SEMA6D: variants seen among roughly 807,000 people sequenced by gnomAD.
The protein encoded by SEMA6D is semaphorin 6D.
In SEMA6D, 35 loss-of-function variants were observed where a neutral mutation model predicts 106.6. That is an observed-to-expected ratio of 0.33 (90% confidence interval 0.25 to 0.44). SEMA6D has a LOEUF of 0.44. SEMA6D is among the 20% of genes least tolerant of loss of function. The pLI, the probability that SEMA6D is intolerant of heterozygous loss-of-function variation, is 1.00. For missense variants in SEMA6D, 1,185 were observed against 1,345.9 expected, an observed-to-expected ratio of 0.88 and a Z score of 1.87; for synonymous variants, 499 against 487.7, an observed-to-expected ratio of 1.02 and a Z score of -0.31.
chr15:47,256,798 G>T (rs1289135413), intron 1 of SEMA6D, among the ~76,000 whole-genome samples: 2 of 152,086 alleles, frequency 1.3e-5, no homozygotes, highest in Non-Finnish European at 2.9e-5. Flanking sequence ...GGTGGAGGTT[G>T]CAGTGAGCTG....
chr15:47,322,160 A>C (rs2036947608), intron 1 of SEMA6D, among the ~76,000 whole-genome samples: 1 of 152,204 alleles, frequency 6.6e-6, no homozygotes, highest in African/African-American at 2.4e-5. Context: ...GGAAAGTTGC[A>C]AAAATAGTAC....
At chr15:47,713,580 G>A (rs775770901), upstream of SEMA6D, among the ~76,000 whole-genome samples, 7 of 152,154 alleles carry the variant, frequency 4.6e-5, no homozygotes, top group African/African-American at 9.7e-5. Context: ...TATAATGTGC[G>A]AACGCAAGGA....
chr15:47,484,883 A>G (rs1182699281), intron 3 of SEMA6D, among the ~76,000 whole-genome samples: 1 of 152,226 alleles, frequency 6.6e-6, no homozygotes, highest in African/African-American at 2.4e-5. Context: ...GGATTGGAGA[A>G]GAAAATGAAT....
At chr15:47,497,773 A>ATT (rs2043717248) in intron 3 of SEMA6D, among the ~76,000 whole-genome samples, 1 of 152,082 alleles carries the variant, frequency 6.6e-6, no homozygotes, top group Non-Finnish European at 1.5e-5. Flanking sequence ...TGTAAACTGT[A>ATT]GTACCATACT....
At chr15:47,627,516 A>G (rs2144400010) in intron 4 of SEMA6D, among the ~76,000 whole-genome samples, 1 of 152,290 alleles carries the variant, frequency 6.6e-6, no homozygotes, top group African/African-American at 2.4e-5. Context: ...TAATAATCAC[A>G]GAGATATGGT....
intron 3 of SEMA6D, among the ~76,000 whole-genome samples, chr15:47,501,360 A>G (rs2043842612): frequency 6.6e-6 from 1 of 152,200 alleles, no homozygotes; most frequent in Non-Finnish European, 1.5e-5. Flanking sequence ...AAGAAAATGA[A>G]ACAAATTATA....
intron 4 of SEMA6D, among the ~76,000 whole-genome samples, chr15:47,648,865 A>G (rs2077631157): frequency 6.6e-6 from 1 of 152,214 alleles, no homozygotes; most frequent in Non-Finnish European, 1.5e-5. Context: ...ACTCTTGTTT[A>G]TATCAATTAG....
chr15:47,655,350 G>C (rs1007128516), intron 4 of SEMA6D, among the ~76,000 whole-genome samples: 2 of 152,236 alleles, frequency 1.3e-5, no homozygotes, highest in African/African-American at 4.8e-5. Flanking sequence ...GGATTTTGAT[G>C]TGAAACCAGG....
chr15:47,369,896 T>A (rs1255232022), intron 1 of SEMA6D, among the ~76,000 whole-genome samples: 2 of 152,238 alleles, frequency 1.3e-5, no homozygotes, highest in African/African-American at 4.8e-5. Flanking sequence ...CAGAAATGCT[T>A]GAATACCAGC....
At chr15:47,616,316 C>G (rs982100089) in intron 4 of SEMA6D, among the ~76,000 whole-genome samples, 1 of 151,918 alleles carries the variant, frequency 6.6e-6, no homozygotes, top group Admixed American at 6.6e-5. Context: ...ACTACAGGTG[C>G]GTGCCACCAC....
chr15:47,414,279 C>T (rs1028290371), intron 2 of SEMA6D, among the ~76,000 whole-genome samples: 1 of 152,112 alleles, frequency 6.6e-6, no homozygotes, highest in African/African-American at 2.4e-5. Flanking sequence ...GAAGTGCTTT[C>T]TAGGAACTAC....
chr15:47,691,225 C>A (rs2078580251), intron 4 of SEMA6D, among the ~76,000 whole-genome samples: 2 of 152,086 alleles, frequency 1.3e-5, no homozygotes, highest in Admixed American at 1.3e-4. Flanking sequence ...CCCTTTGAAA[C>A]CATGGTTTTT....
intron 2 of SEMA6D, among the ~76,000 whole-genome samples, chr15:47,414,288 A>G (rs952843916): frequency 1.3e-5 from 2 of 152,166 alleles, no homozygotes; most frequent in African/African-American, 2.4e-5. Context: ...TCTAGGAACT[A>G]CCACCAAAGC....
intron 3 of SEMA6D, among the ~76,000 whole-genome samples, chr15:47,547,584 G>T (rs557586358): frequency 1.3e-5 from 2 of 152,158 alleles, no homozygotes; most frequent in South Asian, 4.2e-4. Flanking sequence ...CCAATAAAAT[G>T]AAAGAAAATG....
At chr15:47,260,456 G>A (rs760389388) in intron 1 of SEMA6D, among the ~76,000 whole-genome samples, 2 of 152,086 alleles carry the variant, frequency 1.3e-5, no homozygotes, top group African/African-American at 2.4e-5. Flanking sequence ...TTTAGTTGGT[G>A]TACTGTGGAC....
chr15:47,728,769 G>T (rs915454229), intron 1 of SEMA6D, among the ~76,000 whole-genome samples: 1 of 152,018 alleles, frequency 6.6e-6, no homozygotes, highest in Non-Finnish European at 1.5e-5. Flanking sequence ...CTTCTCACAC[G>T]TGACCCTTTT....
At chr15:47,317,153 G>T (rs1256625399) in intron 1 of SEMA6D, among the ~76,000 whole-genome samples, 1 of 152,124 alleles carries the variant, frequency 6.6e-6, no homozygotes, top group African/African-American at 2.4e-5. Context: ...GTCTTTCAAA[G>T]AACTGGCCCA....
intron 3 of SEMA6D, among the ~76,000 whole-genome samples, chr15:47,519,208 G>A (rs2044489763): frequency 1.3e-5 from 2 of 152,168 alleles, no homozygotes; most frequent in Admixed American, 1.3e-4. Flanking sequence ...ATTATCAAGT[G>A]TTATGTTCTA....
At chr15:47,743,417 C>G (rs2080935467) in intron 1 of SEMA6D, among the ~76,000 whole-genome samples, 1 of 151,874 alleles carries the variant, frequency 6.6e-6, no homozygotes, top group Non-Finnish European at 1.5e-5. Flanking sequence ...GGGTCGCACA[C>G]AGAAATTCAT....
Sources: gnomAD v4.1 joint callset for allele counts (sites outside exome capture counted in the v4.1 genomes callset) on GRCh38, gnomAD v4.1.1 for gene constraint, MANE v1.5 for transcripts, NCBI Gene and HGNC (gene_info 2026-07-23, HGNC 2026-07-21) for gene names.